TENM2: variants seen among roughly 807,000 people sequenced by gnomAD.
TENM2 encodes teneurin transmembrane protein 2.
A neutral mutation model predicts 245.2 loss-of-function variants in TENM2; 52 were observed. The observed-to-expected ratio is 0.21, with a 90% CI of 0.17 to 0.27. The LOEUF is 0.27. Ranked by LOEUF, TENM2 falls within the 10% of genes least tolerant of loss-of-function variation. The probability of loss-of-function intolerance (pLI) is 1.00; values close to 1 mark genes in which losing one functional copy is unlikely to be tolerated. For missense variants in TENM2, 3,046 were observed against 3,666.8 expected, an observed-to-expected ratio of 0.83 and a Z score of 4.37; for synonymous variants, 1,363 against 1,438.9, an observed-to-expected ratio of 0.95 and a Z score of 1.19.
At position 167,721,791 on chromosome 5, in the gene TENM2, A is replaced by C. The variant is rs532332308; in HGVS notation, c.503-154195A>C. 1.5e-4 allele frequency among the ~76,000 whole-genome samples: 23 copies of C among 152,350 alleles called. No homozygotes were observed. In the East Asian group the frequency reaches 4.4e-3, roughly 29 times the overall value. The stretch of plus-strand genomic sequence containing the variant: ...TCCCAAGTCCTAGGCATTAGGACAT[A>C]GACATTGTTGGGAATTCATGATTCT... On this transcript the variant is annotated intron_variant, in intron 2 of 28. Coordinates refer to ENST00000518659, the Ensembl canonical transcript of TENM2.
intron 1 of TENM2, among the ~76,000 whole-genome samples, chr5:167,356,071 A>G (rs1759297085): frequency 1.3e-5 from 2 of 150,826 alleles, no homozygotes; most frequent in African/African-American, 4.9e-5. Flanking sequence ...AATCCCAGCT[A>G]CTCGGGAGGC....
rs1791573282 is a variant in TENM2 at position 168,077,404 on chromosome 5, A to C, written c.1516-13170A>C. 2.0e-5 allele frequency among the ~76,000 whole-genome samples: 3 copies of C among 152,054 alleles called. No individual in the cohort carries two copies. The South Asian group carries it at 6.2e-4, about 32-fold the overall frequency. ...TCTAGGCATGGGGGATGCTGAGTTCAGTGAAACAGACAAGTCTCCCACTCT... is the reference window on the plus strand; with the variant it reads ...TCTAGGCATGGGGGATGCTGAGTTCCGTGAAACAGACAAGTCTCCCACTCT... On this transcript the variant is annotated intron_variant, in intron 7 of 28. Transcript: ENST00000518659.
intron 2 of TENM2, among the ~76,000 whole-genome samples, chr5:167,781,783 T>C (rs1252820561): frequency 6.6e-6 from 1 of 152,056 alleles, no homozygotes; most frequent in East Asian, 1.9e-4. Flanking sequence ...CCCAGCACTT[T>C]GGGAGGCCAG....
intron 2 of TENM2, among the ~76,000 whole-genome samples, chr5:167,771,472 T>C (rs775891895): frequency 1.3e-5 from 2 of 152,082 alleles, no homozygotes; most frequent in South Asian, 4.1e-4. Flanking sequence ...GAAGGAAAAA[T>C]AGTAGATTTA....
Position 167,819,081 on chromosome 5 carries a change from T to TGTGC in TENM2, c.503-56899_503-56896dup, listed in dbSNP as rs1554124673. ...GACTGTGTGTGTGTGTGTGTGTGTGTGTGCGTGCGCGTTCTCTAATGCTAC... is the reference window on the plus strand; with the variant it reads ...GACTGTGTGTGTGTGTGTGTGTGTGTGTGCGTGCGTGCGCGTTCTCTAATGCTAC... On this transcript the variant is annotated intron_variant, in intron 2 of 28. Coordinates refer to ENST00000518659, the Ensembl canonical transcript of TENM2. 1.8e-4 allele frequency among the ~76,000 whole-genome samples: 27 copies of TGTGC among 151,322 alleles called. 1 individual carries two copies. Among genetic ancestry groups the TGTGC allele is most frequent in the South Asian group, 8.3e-4 (4 of 4,822 alleles).
At chr5:167,163,377 G>A in the TENM2 span, among the ~76,000 whole-genome samples, 6 of 152,154 alleles carry the variant, frequency 3.9e-5, no homozygotes, top group Non-Finnish European at 8.8e-5. Flanking sequence ...AGGCGTGAGA[G>A]CGTGAGCCAC....
At chr5:167,318,466 C>T (rs530861492) in intron 1 of TENM2, among the ~76,000 whole-genome samples, 171 of 151,382 alleles carry the variant, frequency 1.1e-3, no homozygotes, top group African/African-American at 3.6e-3. Context: ...TTTTCCCCCA[C>T]GGTGTGAATA....
At chr5:166,992,173 T>C in the TENM2 span, among the ~76,000 whole-genome samples, 3 of 152,112 alleles carry the variant, frequency 2.0e-5, no homozygotes, top group African/African-American at 7.2e-5. Context: ...ATAATTACAA[T>C]GTTACTTTAA....
chr5:167,751,984 A>C (rs1761988188), intron 2 of TENM2, among the ~76,000 whole-genome samples: 1 of 151,356 alleles, frequency 6.6e-6, no homozygotes, highest in South Asian at 2.1e-4. Flanking sequence ...ACATGCGCGC[A>C]CACGATTGTG....
intron 2 of TENM2, among the ~76,000 whole-genome samples, chr5:167,559,260 C>G (rs947797103): frequency 6.6e-6 from 1 of 152,208 alleles, no homozygotes; most frequent in Admixed American, 6.5e-5. Flanking sequence ...CAAATCATCC[C>G]TCCGTTGTGT....
At chr5:167,236,133 C>T in the TENM2 span, among the ~76,000 whole-genome samples, 5 of 152,302 alleles carry the variant, frequency 3.3e-5, no homozygotes, top group East Asian at 9.7e-4. Context: ...ACCTTGTCTA[C>T]ACCTCCATTA....
At chr5:167,626,991 C>T (rs1237845105) in intron 2 of TENM2, among the ~76,000 whole-genome samples, 1 of 152,166 alleles carries the variant, frequency 6.6e-6, no homozygotes, top group East Asian at 1.9e-4. Flanking sequence ...CAGAGGCTTT[C>T]CATGCAACCA....
chr5:168,052,064 A>T (rs1054903245), intron 6 of TENM2, among the ~76,000 whole-genome samples: 3 of 152,108 alleles, frequency 2.0e-5, no homozygotes, highest in Admixed American at 2.0e-4. Flanking sequence ...GGTCGAGACC[A>T]GCCTGGGCAA....
intron 3 of TENM2, among the ~76,000 whole-genome samples, chr5:167,899,985 CAGTT>C (rs1051207410): frequency 5.9e-5 from 9 of 152,018 alleles, no homozygotes; most frequent in Admixed American, 6.5e-5. Flanking sequence ...ACCCTAACCT[CAGTT>C]AGTTAGTGTG....
chr5:168,153,404 G>A (rs1186844550), intron 12 of TENM2, among the ~76,000 whole-genome samples: 2 of 152,194 alleles, frequency 1.3e-5, no homozygotes, highest in Non-Finnish European at 2.9e-5. Flanking sequence ...GAAGGGGAAG[G>A]TGGTGCTATA....
At chr5:167,896,762 G>A (rs1010884066) in intron 3 of TENM2, among the ~76,000 whole-genome samples, 3 of 152,090 alleles carry the variant, frequency 2.0e-5, no homozygotes, top group African/African-American at 4.8e-5. Context: ...TATCAACCTC[G>A]CAATACCTTT....
chr5:167,520,320 G>A (rs371686874), intron 2 of TENM2, among the ~76,000 whole-genome samples: 12 of 152,114 alleles, frequency 7.9e-5, no homozygotes, highest in East Asian at 1.9e-4. Context: ...GCAGGATCTC[G>A]GCAGGAAGTA....
the TENM2 span, among the ~76,000 whole-genome samples, chr5:167,144,315 T>C: frequency 2.0e-5 from 3 of 152,136 alleles, no homozygotes; most frequent in East Asian, 1.9e-4. Flanking sequence ...GTGCCACAGG[T>C]GGCAATGAAT....
the TENM2 span, among the ~76,000 whole-genome samples, chr5:167,079,958 A>G: frequency 6.6e-6 from 1 of 152,192 alleles, no homozygotes; most frequent in Non-Finnish European, 1.5e-5. Flanking sequence ...CCATGTCTTA[A>G]AGTATGTTCC....
Sources: gnomAD v4.1 joint callset for allele counts (sites outside exome capture counted in the v4.1 genomes callset) on GRCh38, gnomAD v4.1.1 for gene constraint, MANE v1.5 for transcripts, NCBI Gene and HGNC (gene_info 2026-07-23, HGNC 2026-07-21) for gene names.